Variants in MCM10 observed in about 807,000 individuals in gnomAD.
MCM10 encodes minichromosome maintenance 10 replication initiation factor, also known as protein MCM10 homolog.
MCM10 carries 91 observed loss-of-function variants against 109.9 expected under a neutral mutation model. That is an observed-to-expected ratio of 0.83 (90% CI 0.70 to 0.99). MCM10 has a LOEUF of 0.99. Ranked by LOEUF, MCM10 falls within the 50% of genes least tolerant of loss-of-function variation. The pLI is 0.00. For missense variants in MCM10, 1,077 were observed against 1,061.2 expected, an observed-to-expected ratio of 1.01 and a Z score of -0.21; for synonymous variants, 380 against 387.2, an observed-to-expected ratio of 0.98 and a Z score of 0.22.
At chr10:13,169,016 C>T (rs1834036322) in intron 2 of MCM10, among the ~76,000 whole-genome samples, 1 of 152,228 alleles carries the variant, frequency 6.6e-6, no homozygotes, top group East Asian at 1.9e-4. Flanking sequence ...TAGGAAAAGG[C>T]TCCCTGGGGG....
At chr10:13,163,045 C>T (rs1220649771) in intron 1 of MCM10, among the ~76,000 whole-genome samples, 1 of 151,384 alleles carries the variant, frequency 6.6e-6, no homozygotes, top group Non-Finnish European at 1.5e-5. Context: ...CCCCATTGCA[C>T]TCCAGCCTGG....
chr10:13,163,869 C>T (rs1281659143), intron 1 of MCM10, among the ~76,000 whole-genome samples: 2 of 152,132 alleles, frequency 1.3e-5, no homozygotes, highest in African/African-American at 4.8e-5. Context: ...ATCTCATCCA[C>T]GTAATCTAGT....
intron 18 of MCM10, 199 bp downstream of exon 18, chr10:13,204,563 C>T: frequency 1.7e-6 from 1 of 578,244 alleles, no homozygotes; most frequent in East Asian, 3.0e-5. Flanking sequence ...TCCCCAACAC[C>T]TAATATAGTG....
At chr10:13,174,842 A>G (rs1396132744) in intron 5 of MCM10, among the ~76,000 whole-genome samples, 2 of 152,138 alleles carry the variant, frequency 1.3e-5, no homozygotes, top group African/African-American at 4.8e-5. Flanking sequence ...AAAAGGGACA[A>G]TCCTGGCCGG....
At chr10:13,207,721 C>G (rs1343901208) in intron 18 of MCM10, among the ~76,000 whole-genome samples, 1 of 152,168 alleles carries the variant, frequency 6.6e-6, no homozygotes, top group Non-Finnish European at 1.5e-5. Context: ...GTAAGACATG[C>G]CTTTGCTCTT....
intron 8 of MCM10, among the ~76,000 whole-genome samples, chr10:13,183,640 T>C (rs1332550899): frequency 6.6e-6 from 1 of 152,206 alleles, no homozygotes; most frequent in Admixed American, 6.5e-5. Context: ...AGTTACAAAG[T>C]TCCTGGAGTT....
In MCM10 at chr10:13,195,756, G is replaced by A. The variant is rs1037346564; in HGVS notation, c.1974+487G>A. Among the ~76,000 whole-genome samples, 6 of 151,530 alleles carry A rather than the reference G, an allele frequency of 4.0e-5. No individual in the cohort carries two copies. The East Asian group carries it at 7.8e-4, about 20-fold the overall frequency. On this transcript the variant is annotated intron_variant, in intron 14 of 19. Transcript: ENST00000378714. ...CTCCCGAGTACCTGGGACTACAGGC[G>A]CCTACCACCACGCCCGGCTAATTTT...
At position 13,167,588 on chromosome 10, in the gene MCM10, G is replaced by A. The variant is rs531904966; in HGVS notation, c.8-3334G>A. ...CAGTAGAGATGGAGGGGAGGACCGG[G>A]GGGGGCATGCATGATACACATATGA... On this transcript the variant is annotated intron_variant, in intron 2 of 19. Transcript: ENST00000378714. 1.3e-4 allele frequency among the ~76,000 whole-genome samples: 17 copies of A among 127,434 alleles called. No individual in the cohort carries two copies. In the South Asian group the frequency reaches 1.9e-3, roughly 14 times the overall value. 83.6% of individuals were successfully genotyped at this position (127,434 alleles called of 152,430 possible).
chr10:13,209,251 G>A lies in MCM10; in HGVS notation c.2566G>A (p.Gly856Arg). Reference sequence around the variant, plus strand: ...GGAAAAGACTGGTCCAAAGATAGGAGGAGAAACTCTGTTACCAAGAGGAGA... The same window carrying A: ...GGAAAAGACTGGTCCAAAGATAGGAAGAGAAACTCTGTTACCAAGAGGAGA... ...LKEKTGPKIG[G>R]ETLLPRGEEH... Residue 856 changes from glycine (G) to arginine (R), a missense_variant, in exon 20 of 20, where the codon GGA becomes AGA. Gly to Arg is a moderately radical substitution (Grantham distance 125). Coordinates refer to ENST00000378714, the MANE Select transcript of MCM10 (RefSeq NM_018518.5). 1 of 1,613,972 alleles carries A rather than the reference G, an allele frequency of 6.2e-7. No homozygotes were observed. Among genetic ancestry groups the A allele is most frequent in the Non-Finnish European group, 8.5e-7 (1 of 1,179,860 alleles).
chr10:13,169,419 G>A (rs953941468), intron 2 of MCM10, among the ~76,000 whole-genome samples: 6 of 152,110 alleles, frequency 3.9e-5, no homozygotes, highest in Non-Finnish European at 5.9e-5. Context: ...TACCCCAGAC[G>A]AACTATGCCA....
chr10:13,184,802 C>T (rs917453493), intron 8 of MCM10, among the ~76,000 whole-genome samples: 3 of 152,148 alleles, frequency 2.0e-5, no homozygotes, highest in African/African-American at 7.2e-5. Flanking sequence ...CACAAGATGC[C>T]TTTGAAACTC....
rs567543362 is a variant in MCM10 at position 13,198,942 on chromosome 10, C to G, written c.2238+135C>G. 15 of 626,800 alleles carry G rather than the reference C, an allele frequency of 2.4e-5. No individual in the cohort carries two copies. In the African/African-American group the frequency reaches 2.8e-4, roughly 12 times the overall value. 38.8% of individuals were successfully genotyped at this position (626,800 alleles called of 1,614,324 possible). A position where few individuals can be genotyped will look rare whatever the true frequency, so the allele number is the denominator to read the frequency against. Reference sequence around the variant, plus strand: ...ACAGAGTCTCAGTCTGTGGCCCAGGCTGAAGTGCAGTGGCGCCATCTCGGC... The same window carrying G: ...ACAGAGTCTCAGTCTGTGGCCCAGGGTGAAGTGCAGTGGCGCCATCTCGGC... On this transcript the variant is annotated intron_variant, in intron 16 of 19. Coordinates refer to ENST00000378714, the MANE Select transcript of MCM10 (RefSeq NM_018518.5).
intron 6 of MCM10, among the ~76,000 whole-genome samples, chr10:13,177,508 CT>C (rs60316855): frequency 0.091 from 9,522 of 104,250 alleles, 510 homozygotes; most frequent in African/African-American, 0.21. Flanking sequence ...GATTTTGGAG[CT>C]TTTTTTTTTT....
At chr10:13,193,813 T>C (rs1312502487) in intron 13 of MCM10, among the ~76,000 whole-genome samples, 1 of 152,052 alleles carries the variant, frequency 6.6e-6, no homozygotes, top group Non-Finnish European at 1.5e-5. Context: ...CTTGAAGGCA[T>C]TGCGTAATGA....
chr10:13,193,162 A>G (rs2131580395), intron 13 of MCM10, among the ~76,000 whole-genome samples: 1 of 152,202 alleles, frequency 6.6e-6, no homozygotes, highest in South Asian at 2.1e-4. Context: ...GTTTTGCCGC[A>G]ATTCAGTTTT....
chr10:13,209,139 C>A lies in MCM10; in HGVS notation c.2541+6C>A. 6.2e-7 allele frequency: 1 copy of A among 1,611,022 alleles called. No individual in the cohort carries two copies. Among genetic ancestry groups the A allele is most frequent in the East Asian group, 2.2e-5 (1 of 44,862 alleles). On this transcript the variant is annotated splice_donor_region_variant and intron_variant, in intron 19 of 19. Coordinates refer to ENST00000378714, the MANE Select transcript of MCM10 (RefSeq NM_018518.5). ...AACGGGACGGAATGCTAAAGGTATGCCATTTGCGTACTAATTTTTGACTCC... is the reference window on the plus strand; with the variant it reads ...AACGGGACGGAATGCTAAAGGTATGACATTTGCGTACTAATTTTTGACTCC...
rs567924906 is a variant in MCM10 at position 13,188,871 on chromosome 10, C to T, written c.1216-10C>T. The T allele has an allele frequency of 6.2e-6, 10 of 1,613,652 alleles. No individual in the cohort carries two copies. In the South Asian group the frequency reaches 1.1e-4, roughly 18 times the overall value. On this transcript the variant is annotated splice_polypyrimidine_tract_variant and intron_variant, in intron 9 of 19. Transcript: ENST00000378714. ...CCCTCATCCTGATGCCACTGCTCTG[C>T]CTTTTGCAGCGTGACTGTGAGTACT...
At chr10:13,177,697 C>T (rs756448133) in intron 6 of MCM10, among the ~76,000 whole-genome samples, 8 of 151,742 alleles carry the variant, frequency 5.3e-5, no homozygotes, top group Non-Finnish European at 8.8e-5. Context: ...CAGGACAAAA[C>T]CCCATCTCTA....
At chr10:13,191,855 C>G (rs1588474770) in intron 11 of MCM10, among the ~76,000 whole-genome samples, 1 of 152,106 alleles carries the variant, frequency 6.6e-6, no homozygotes, top group Non-Finnish European at 1.5e-5. Flanking sequence ...TATTGGTTAT[C>G]TTTTGTTAAA....
Sources: gnomAD v4.1 joint callset for allele counts (sites outside exome capture counted in the v4.1 genomes callset) on GRCh38, gnomAD v4.1.1 for gene constraint, MANE v1.5 for transcripts, NCBI Gene and HGNC (gene_info 2026-07-23, HGNC 2026-07-21) for gene names.